The following CDIN1 variants were observed in gnomAD, a reference collection of about 807,000 sequenced individuals.
CDIN1 encodes CDAN1 interacting nuclease 1, also known as CDAN1-interacting nuclease 1.
Under a neutral mutation model 45.3 loss-of-function variants are expected in CDIN1, and 33 were observed. The observed-to-expected ratio is 0.73, with a 90% CI of 0.55 to 0.97. The LOEUF (loss-of-function observed/expected upper bound fraction) is 0.97. Among genes scored for constraint, CDIN1 ranks in the 50% least tolerant of loss-of-function variants. CDIN1 has a pLI of 0.00. For synonymous variants in CDIN1, 118 were observed against 124.4 expected, an observed-to-expected ratio of 0.95 and a Z score of 0.34; for missense variants, 303 against 339.4, an observed-to-expected ratio of 0.89 and a Z score of 0.84.
At chr15:36,621,586 T>G (rs556500885) in intron 1 of CDIN1, among the ~76,000 whole-genome samples, 1 of 152,318 alleles carries the variant, frequency 6.6e-6, no homozygotes, top group East Asian at 1.9e-4. Context: ...TTTAAAAAAA[T>G]GTATTAATCA....
chr15:36,608,951 C>CT (rs975324158), intron 1 of CDIN1, among the ~76,000 whole-genome samples: 4 of 150,098 alleles, frequency 2.7e-5, no homozygotes, highest in Non-Finnish European at 5.9e-5. Context: ...ACACAAATCT[C>CT]TGTGTGTGTG....
intron 10 of CDIN1, chr15:36,747,201 G>T: frequency 2.6e-6 from 1 of 384,100 alleles, no homozygotes; most frequent in East Asian, 3.7e-5. Flanking sequence ...GAAAATGTTT[G>T]TTATATTATC....
chr15:36,740,889 C>CAA (rs201052730), intron 10 of CDIN1, among the ~76,000 whole-genome samples: 3 of 126,234 alleles, frequency 2.4e-5, no homozygotes, highest in Non-Finnish European at 5.2e-5. Flanking sequence ...GACTCCATCT[C>CAA]AAAAAAAAAA....
chr15:36,625,113 TAAAAATACAAAA>T, intron 1 of CDIN1, among the ~76,000 whole-genome samples: 1 of 151,808 alleles, frequency 6.6e-6, no homozygotes, highest in East Asian at 1.9e-4. Flanking sequence ...CCGTCTCTAC[TAAAAATACAAAA>T]GAAAAATTAG....
At position 36,788,106 on chromosome 15, in the gene CDIN1, A is replaced by ATTTT. The variant is rs1172040193; in HGVS notation, c.717-20194_717-20191dup. On this transcript the variant is annotated intron_variant, in intron 10 of 10. Transcript: ENST00000566621. ...TATATATATATATATATATATATAT[A>ATTTT]TTTTTTTTTTTTTTTTTTTTTTTTT... Among the ~76,000 whole-genome samples, 5 of 50,528 alleles carry ATTTT rather than the reference A, an allele frequency of 9.9e-5. 1 individual carries two copies. Among genetic ancestry groups the ATTTT allele is most frequent in the African/African-American group, 3.9e-4 (5 of 12,912 alleles). 33.1% of individuals were successfully genotyped at this position (50,528 alleles called of 152,430 possible).
intron 1 of CDIN1, chr15:36,614,154 A>T (rs2038778233): frequency 1.4e-6 from 1 of 712,072 alleles, no homozygotes; most frequent in Non-Finnish European, 2.6e-6. Context: ...AGTATTCTGT[A>T]CACAGAGGTT....
chr15:36,747,343 C>G (rs1007888174), intron 10 of CDIN1: 6 of 198,754 alleles, frequency 3.0e-5, no homozygotes, highest in Admixed American at 2.4e-4. Flanking sequence ...CAAGGGCTCC[C>G]AAAAAAAGGG....
chr15:36,780,461 C>A (rs1435488717), intron 10 of CDIN1, among the ~76,000 whole-genome samples: 2 of 152,154 alleles, frequency 1.3e-5, no homozygotes, highest in African/African-American at 4.8e-5. Flanking sequence ...TAGATAGAAT[C>A]CTATTAGGCA....
At chr15:36,718,924 A>G (rs560364055) in intron 10 of CDIN1, among the ~76,000 whole-genome samples, 132 of 149,392 alleles carry the variant, frequency 8.8e-4, no homozygotes, top group African/African-American at 3.1e-3. Flanking sequence ...TCTTTTCACC[A>G]TTAAGAATGA....
rs2039286818 is a variant in CDIN1, at chr15:36,623,397, TA to T, written c.102-20880del. Among the ~76,000 whole-genome samples the T allele has an allele frequency of 4.6e-5, 7 of 152,356 alleles. No homozygotes were observed. The South Asian group carries it at 1.4e-3, about 32-fold the overall frequency. ...TGTCAATATAACTTTATATATTTTT[TA>T]CTTTAAATTATATTTATTTACAGCC... On this transcript the variant is annotated intron_variant, in intron 1 of 10. Coordinates refer to ENST00000566621, the MANE Select transcript of CDIN1 (RefSeq NM_001321759.2).
intron 10 of CDIN1, among the ~76,000 whole-genome samples, chr15:36,791,031 T>G (rs2054632337): frequency 6.6e-6 from 1 of 152,202 alleles, no homozygotes; most frequent in South Asian, 2.1e-4. Flanking sequence ...TCCCAGTGTC[T>G]GTTGTTCTCC....
intron 8 of CDIN1, among the ~76,000 whole-genome samples, chr15:36,703,305 A>T (rs1332871920): frequency 7.5e-6 from 1 of 133,120 alleles, no homozygotes; most frequent in Non-Finnish European, 1.6e-5. Flanking sequence ...TATCAGATAG[A>T]TCTATCAGAT....
intron 8 of CDIN1, among the ~76,000 whole-genome samples, chr15:36,702,475 T>G (rs1405710760): frequency 4.0e-5 from 6 of 151,472 alleles, no homozygotes; most frequent in African/African-American, 1.5e-4. Context: ...GAAGAAAGGT[T>G]GTTGTGACCA....
chr15:36,772,757 G>A (rs915740188), intron 10 of CDIN1, among the ~76,000 whole-genome samples: 1 of 151,678 alleles, frequency 6.6e-6, no homozygotes, highest in South Asian at 2.1e-4. Context: ...TAAATCCTGG[G>A]AGCACCATGC....
At chr15:36,698,069 A>G (rs12441609) in intron 8 of CDIN1, among the ~76,000 whole-genome samples, 3 of 152,070 alleles carry the variant, frequency 2.0e-5, no homozygotes, top group African/African-American at 7.2e-5. Flanking sequence ...AAGTCATTTT[A>G]TTATTATACA....
At chr15:36,693,171 A>T (rs1347625198) in intron 7 of CDIN1, among the ~76,000 whole-genome samples, 1 of 152,190 alleles carries the variant, frequency 6.6e-6, no homozygotes, top group Non-Finnish European at 1.5e-5. Context: ...TAGAGTCGTA[A>T]CATTTTTAAT....
chr15:36,730,233 C>T (rs1010266447), intron 10 of CDIN1, among the ~76,000 whole-genome samples: 7 of 152,056 alleles, frequency 4.6e-5, no homozygotes, highest in Non-Finnish European at 1.0e-4. Context: ...TTGATCTTCA[C>T]TTGTCTGCAA....
At chr15:36,792,652 G>C (rs1285542776) in intron 10 of CDIN1, among the ~76,000 whole-genome samples, 3 of 152,222 alleles carry the variant, frequency 2.0e-5, no homozygotes, top group Non-Finnish European at 4.4e-5. Flanking sequence ...TCTTGAATCT[G>C]TTTATCCCCA....
intron 10 of CDIN1, among the ~76,000 whole-genome samples, chr15:36,733,990 T>C (rs907566084): frequency 9.9e-5 from 15 of 152,148 alleles, no homozygotes; most frequent in African/African-American, 3.6e-4. Context: ...ATAGGGGTAT[T>C]GTCTTCTTAT....
Sources: allele counts gnomAD v4.1 joint callset (sites outside exome capture counted in the v4.1 genomes callset), GRCh38; gene constraint gnomAD v4.1.1; transcripts MANE v1.5; gene names NCBI Gene and HGNC (gene_info 2026-07-23, HGNC 2026-07-21).